The following ATP6V1E2 variants were observed in gnomAD, a reference collection of about 807,000 sequenced individuals.
ATP6V1E2 encodes the protein V-type proton ATPase subunit E 2.
For synonymous variants in ATP6V1E2, 121 were observed against 104.2 expected, an observed-to-expected ratio of 1.16 and a Z score of -0.98; for missense variants, 308 against 273.3, an observed-to-expected ratio of 1.13 and a Z score of -0.90.
At chr2:46,541,725 C>T (rs1340833559) in intron 1 of ATP6V1E2, 1 of 152,270 alleles carries the variant, frequency 6.6e-6, no homozygotes, top group Non-Finnish European at 1.5e-5. Context: ...GCAGAGTGCA[C>T]CCCCGCCCCA....
intron 2 of ATP6V1E2, among the ~76,000 whole-genome samples, chr2:46,538,757 A>G (rs1303080964): frequency 6.6e-6 from 1 of 152,194 alleles, no homozygotes; most frequent in Admixed American, 6.5e-5. Context: ...CCAGGCTCAC[A>G]TCGCTCAGTT....
intron 4 of ATP6V1E2, among the ~76,000 whole-genome samples, chr2:46,513,695 C>T (rs766194478): frequency 1.3e-5 from 2 of 151,882 alleles, no homozygotes; most frequent in Non-Finnish European, 2.9e-5. Context: ...CTTGGTGGCA[C>T]GTGTCTGTAG....
At chr2:46,514,237 C>T (rs1687610673) in intron 4 of ATP6V1E2, among the ~76,000 whole-genome samples, 1 of 151,958 alleles carries the variant, frequency 6.6e-6, no homozygotes. Context: ...CTGAACTCGA[C>T]TATTGCAGTC....
intron 4 of ATP6V1E2, among the ~76,000 whole-genome samples, chr2:46,529,802 A>C (rs186432929): frequency 6.6e-6 from 1 of 152,106 alleles, no homozygotes; most frequent in Non-Finnish European, 1.5e-5. Context: ...AATTTATTGA[A>C]CCCATGGATG....
chr2:46,525,207 G>A (rs192380795), intron 4 of ATP6V1E2, among the ~76,000 whole-genome samples: 4 of 151,906 alleles, frequency 2.6e-5, no homozygotes, highest in South Asian at 2.1e-4. Context: ...GGGCGCGGTG[G>A]CTCACGCCTG....
rs370326207 is a variant in ATP6V1E2, at chr2:46,513,292, G to A, written c.-101-480C>T. On this transcript the variant is annotated intron_variant, in intron 4 of 4. Transcript: ENST00000522587. Reference sequence around the variant, plus strand: ...CAGAGAAAAAGGAGTACTACTAAGCGGAAAATGGCACCTTGGAGAGATGAG... The same window carrying A: ...CAGAGAAAAAGGAGTACTACTAAGCAGAAAATGGCACCTTGGAGAGATGAG... Among the ~76,000 whole-genome samples the A allele has an allele frequency of 9.9e-5, 15 of 152,242 alleles. No homozygotes were observed. In the South Asian group the frequency reaches 2.9e-3, roughly 29 times the overall value.
rs190963017 is a variant in ATP6V1E2 at position 46,527,253 on chromosome 2, A to G, written c.-102+8560T>C. Among the ~76,000 whole-genome samples, 689 of 151,196 alleles carry G rather than the reference A, an allele frequency of 4.6e-3. 6 individuals are homozygous for G. The highest frequency in any genetic ancestry group is 0.016 in the African/African-American group (643 of 41,160). On this transcript the variant is annotated intron_variant, in intron 4 of 4. Coordinates refer to ENST00000522587, the MANE Select transcript of ATP6V1E2 (RefSeq NM_001318063.2). ...TTATTTATTTTTGAGACAGAGTCTCACTCTGTCGCCCAGGCTGGAGTGCAG... is the reference window on the plus strand; with the variant it reads ...TTATTTATTTTTGAGACAGAGTCTCGCTCTGTCGCCCAGGCTGGAGTGCAG...
chr2:46,518,525 A>ACACACACACACACACACACAC (rs1553412653), intron 4 of ATP6V1E2, among the ~76,000 whole-genome samples: 9 of 144,384 alleles, frequency 6.2e-5, no homozygotes, highest in African/African-American at 1.8e-4. Context: ...ACACACACAC[A>ACACACACACACACACACACAC]AATGCTATCC....
chr2:46,539,166 C>G (rs963001267), intron 2 of ATP6V1E2, among the ~76,000 whole-genome samples: 1 of 152,178 alleles, frequency 6.6e-6, no homozygotes, highest in South Asian at 2.1e-4. Context: ...AATAGATACT[C>G]TCTACAAAGT....
At chr2:46,514,227 C>T (rs1034916063) in intron 4 of ATP6V1E2, among the ~76,000 whole-genome samples, 1 of 152,018 alleles carries the variant, frequency 6.6e-6, no homozygotes, top group Non-Finnish European at 1.5e-5. Context: ...TTCCAGTGAG[C>T]TGAACTCGAC....
intron 4 of ATP6V1E2, among the ~76,000 whole-genome samples, chr2:46,522,284 CAAAA>C (rs57921616): frequency 7.3e-6 from 1 of 136,112 alleles, no homozygotes. Flanking sequence ...ACTCTGTCTC[CAAAA>C]AAAAAAAAAG....
intron 4 of ATP6V1E2, among the ~76,000 whole-genome samples, chr2:46,516,288 G>A (rs575456978): frequency 2.6e-5 from 4 of 152,276 alleles, no homozygotes; most frequent in South Asian, 2.1e-4. Flanking sequence ...GTTATAAAAC[G>A]AATCTCAATA....
chr2:46,520,118 T>A (rs1666535214), intron 4 of ATP6V1E2, among the ~76,000 whole-genome samples: 1 of 152,120 alleles, frequency 6.6e-6, no homozygotes, highest in African/African-American at 2.4e-5. Context: ...GCATCCTGAG[T>A]TCTTGTGTCC....
At chr2:46,526,539 C>A (rs866974242) in intron 4 of ATP6V1E2, among the ~76,000 whole-genome samples, 19 of 152,356 alleles carry the variant, frequency 1.2e-4, no homozygotes, top group South Asian at 4.1e-4. Flanking sequence ...ACTAATCCCA[C>A]ATACTCTTCC....
intron 2 of ATP6V1E2, among the ~76,000 whole-genome samples, chr2:46,540,022 T>C (rs903415900): frequency 1.3e-5 from 2 of 152,214 alleles, no homozygotes; most frequent in Non-Finnish European, 2.9e-5. Flanking sequence ...GAATAAAATC[T>C]GGCATCTAAC....
At position 46,542,446 on chromosome 2, in the gene ATP6V1E2, C is replaced by A. The variant is rs1667832414; in HGVS notation, c.-603G>T. On this transcript the variant is annotated 5_prime_UTR_variant, in exon 1 of 5. Coordinates refer to ENST00000522587, the MANE Select transcript of ATP6V1E2 (RefSeq NM_001318063.2). ...GCACTTGCGCGAGGAGCCCTCGGCT[C>A]CCCAGGCGACTCCCCTCCTCCCCTC... The A allele has an allele frequency of 6.6e-6, 1 of 151,204 alleles. No homozygotes were observed. Among genetic ancestry groups the A allele is most frequent in the African/African-American group, 2.4e-5 (1 of 41,342 alleles). 9.4% of individuals were successfully genotyped at this position (151,204 alleles called of 1,614,324 possible).
chr2:46,525,461 C>CAAAAAA (rs57428249), intron 4 of ATP6V1E2, among the ~76,000 whole-genome samples: 2,892 of 56,390 alleles, frequency 0.051, 230 homozygotes, highest in Non-Finnish European at 0.069. Flanking sequence ...GACTCCGTCT[C>CAAAAAA]AAAAAAAAAA....
intron 4 of ATP6V1E2, among the ~76,000 whole-genome samples, chr2:46,521,242 G>T (rs1485375597): frequency 1.3e-5 from 2 of 152,178 alleles, no homozygotes; most frequent in Admixed American, 1.3e-4. Flanking sequence ...AGTGTGAGCT[G>T]GGAAATCTCT....
At position 46,541,387 on chromosome 2, in the gene ATP6V1E2, T is replaced by TA. The variant is rs1257796828; in HGVS notation, c.-310+2dup. 1 of 152,188 alleles carries TA rather than the reference T, an allele frequency of 6.6e-6. No individual in the cohort carries two copies. The highest frequency in any genetic ancestry group is 1.9e-4 in the East Asian group (1 of 5,196). 9.4% of individuals were successfully genotyped at this position (152,188 alleles called of 1,614,324 possible). ...GCTCAATGAGAATCTGCAAGGAACTTACAGTGATTTCCGAAGACTTCCTGG... is the reference window on the plus strand; with the variant it reads ...GCTCAATGAGAATCTGCAAGGAACTTAACAGTGATTTCCGAAGACTTCCTGG... On this transcript the variant is annotated splice_region_variant and intron_variant, in intron 2 of 4. Coordinates refer to ENST00000522587, the MANE Select transcript of ATP6V1E2 (RefSeq NM_001318063.2).
Sources: gnomAD v4.1 joint callset for allele counts (sites outside exome capture counted in the v4.1 genomes callset) on GRCh38, gnomAD v4.1.1 for gene constraint, MANE v1.5 for transcripts, NCBI Gene and HGNC (gene_info 2026-07-23, HGNC 2026-07-21) for gene names.